CIRSR: variants seen among roughly 807,000 people sequenced by gnomAD.
CIRSR encodes CBF1 (RBPJ) interacting corepressor 1.
the CIRSR span, chr2:174,378,851 A>G: frequency 1.8e-6 from 2 of 1,111,680 alleles, no homozygotes; most frequent in Non-Finnish European, 2.8e-6. Context: ...ATACCCAGAA[A>G]GAGTAAAGAA....
chr2:174,350,693 G>A, the CIRSR span: 12 of 1,608,886 alleles, frequency 7.5e-6, no homozygotes, highest in Non-Finnish European at 1.0e-5. Flanking sequence ...GGTTGTTAGT[G>A]ACTTTAAAAA....
the CIRSR span, among the ~76,000 whole-genome samples, chr2:174,366,050 T>C: frequency 6.6e-6 from 1 of 152,268 alleles, no homozygotes; most frequent in South Asian, 2.1e-4. Flanking sequence ...AATGCTGAAA[T>C]CAAAAACACT....
At chr2:174,374,597 C>T in the CIRSR span, among the ~76,000 whole-genome samples, 1 of 152,310 alleles carries the variant, frequency 6.6e-6, no homozygotes, top group East Asian at 1.9e-4. Context: ...AGATGTTAAG[C>T]AGCTTGCCTA....
At chr2:174,358,568 T>A in the CIRSR span, 88,974 of 152,556 alleles carry the variant, frequency 0.58, 28,621 homozygotes, top group East Asian at 0.8. Context: ...ATGACTTATA[T>A]GTAATTACTT....
At chr2:174,351,090 A>G in the CIRSR span, among the ~76,000 whole-genome samples, 1 of 152,216 alleles carries the variant, frequency 6.6e-6, no homozygotes, top group African/African-American at 2.4e-5. Flanking sequence ...TTTTTAATTT[A>G]ATGAAATATA....
At chr2:174,367,283 A>T in the CIRSR span, among the ~76,000 whole-genome samples, 2 of 152,140 alleles carry the variant, frequency 1.3e-5, no homozygotes, top group African/African-American at 2.4e-5. Flanking sequence ...AAAAGTTTTT[A>T]AAAAATTAGC....
the CIRSR span, chr2:174,348,938 G>A: frequency 3.7e-6 from 6 of 1,613,044 alleles, no homozygotes; most frequent in South Asian, 4.4e-5. Context: ...CAGAATCACT[G>A]TTGTTATGCC....
At chr2:174,394,233 T>A in the CIRSR span, among the ~76,000 whole-genome samples, 94 of 152,240 alleles carry the variant, frequency 6.2e-4, 2 homozygotes, top group Non-Finnish European at 4.4e-5. Flanking sequence ...ATTTCTCAGG[T>A]ATATTTGTCT....
At chr2:174,354,486 T>A in the CIRSR span, among the ~76,000 whole-genome samples, 1 of 72,784 alleles carries the variant, frequency 1.4e-5, no homozygotes, top group Non-Finnish European at 2.5e-5. Context: ...ATATATATTA[T>A]ATTATATAAA....
the CIRSR span, among the ~76,000 whole-genome samples, chr2:174,360,183 A>G: frequency 3.9e-5 from 6 of 152,368 alleles, no homozygotes; most frequent in East Asian, 1.2e-3. Flanking sequence ...CGTTGTGCAC[A>G]TGCACCCTAG....
chr2:174,371,134 T>TAG, the CIRSR span, among the ~76,000 whole-genome samples: 1 of 152,250 alleles, frequency 6.6e-6, no homozygotes, highest in Admixed American at 6.5e-5. Flanking sequence ...GGCTGGGGAC[T>TAG]AGAGGGTGAG....
the CIRSR span, among the ~76,000 whole-genome samples, chr2:174,350,361 G>C: frequency 6.6e-6 from 1 of 152,158 alleles, no homozygotes; most frequent in African/African-American, 2.4e-5. Flanking sequence ...AACAAATTGT[G>C]TGCGAAGATA....
the CIRSR span, among the ~76,000 whole-genome samples, chr2:174,356,302 CA>C: frequency 1.3e-5 from 2 of 151,696 alleles, no homozygotes; most frequent in African/African-American, 2.4e-5. Context: ...CCTGTCTCTA[CA>C]AAAAATACAA....
chr2:174,395,647 A>C, the CIRSR span: 1 of 1,614,240 alleles, frequency 6.2e-7, no homozygotes, highest in East Asian at 2.2e-5. Flanking sequence ...TAGGGAAAGC[A>C]GGGGCTAGAT....
At chr2:174,370,052 G>C in the CIRSR span, 1 of 1,359,472 alleles carries the variant, frequency 7.4e-7, no homozygotes, top group Non-Finnish European at 9.8e-7. Flanking sequence ...ATCAAATAAG[G>C]CATGCCTGCA....
the CIRSR span, among the ~76,000 whole-genome samples, chr2:174,379,555 ACTTT>A: frequency 1.3e-5 from 2 of 152,058 alleles, no homozygotes; most frequent in African/African-American, 4.8e-5. Context: ...TTCCAATAAA[ACTTT>A]CTTTACAAGG....
the CIRSR span, among the ~76,000 whole-genome samples, chr2:174,356,942 A>G: frequency 6.6e-6 from 1 of 152,342 alleles, no homozygotes; most frequent in African/African-American, 2.4e-5. Flanking sequence ...AATATTTTAA[A>G]TAAAATCTCA....
At chr2:174,376,986 T>C in the CIRSR span, among the ~76,000 whole-genome samples, 1 of 152,222 alleles carries the variant, frequency 6.6e-6, no homozygotes, top group East Asian at 1.9e-4. Context: ...GACTTTCTAA[T>C]ACAGACTCAA....
the CIRSR span, among the ~76,000 whole-genome samples, chr2:174,384,202 C>T: frequency 6.6e-6 from 1 of 152,184 alleles, no homozygotes; most frequent in Admixed American, 6.5e-5. Context: ...AAAAGGAATA[C>T]AGTGCTGATA....
Sources: gnomAD v4.1 joint callset for allele counts (sites outside exome capture counted in the v4.1 genomes callset) on GRCh38, gnomAD v4.1.1 for gene constraint, MANE v1.5 for transcripts, NCBI Gene and HGNC (gene_info 2026-07-23, HGNC 2026-07-21) for gene names.